GNB5: variants seen among roughly 807,000 people sequenced by gnomAD.
GNB5 encodes G protein subunit beta 5.
Under a neutral mutation model 55.3 loss-of-function variants are expected in GNB5, and 37 were observed. The ratio of observed to expected loss-of-function variants is 0.67; its 90% CI spans 0.51 to 0.88. The LOEUF (loss-of-function observed/expected upper bound fraction) is 0.88. GNB5 is among the 40% of genes least tolerant of loss of function. The pLI, the probability that GNB5 is intolerant of heterozygous loss-of-function variation, is 0.00. For missense variants in GNB5, 476 were observed against 515.3 expected (o/e 0.92, Z 0.74); for synonymous variants, 219 against 198.5 (o/e 1.10, Z -0.87).
chr15:52,168,669 C>A (rs1270044456), intron 3 of GNB5, among the ~76,000 whole-genome samples: 2 of 152,096 alleles, frequency 1.3e-5, no homozygotes, highest in Non-Finnish European at 2.9e-5. Flanking sequence ...CAAGATAATC[C>A]TCAGCAAAAG....
chr15:52,136,253 A>G (rs935517305), intron 7 of GNB5, among the ~76,000 whole-genome samples: 1 of 151,384 alleles, frequency 6.6e-6, no homozygotes, highest in African/African-American at 2.4e-5. Context: ...CTACCCTCAC[A>G]GTCCTTGAGT....
chr15:52,190,921 A>C (rs2034918018), intron 1 of GNB5, among the ~76,000 whole-genome samples: 1 of 152,182 alleles, frequency 6.6e-6, no homozygotes, highest in South Asian at 2.1e-4. Flanking sequence ...ATAAAAAATA[A>C]CTGATACACA....
chr15:52,170,605 A>C (rs768633172), intron 3 of GNB5, among the ~76,000 whole-genome samples: 1 of 152,080 alleles, frequency 6.6e-6, no homozygotes, highest in Non-Finnish European at 1.5e-5. Flanking sequence ...TGCTGGGCTT[A>C]ATACTTAGGT....
intron 3 of GNB5, among the ~76,000 whole-genome samples, chr15:52,157,464 T>C (rs888307943): frequency 6.6e-5 from 10 of 152,042 alleles, no homozygotes; most frequent in Non-Finnish European, 1.5e-4. Context: ...CAGGATGGTC[T>C]CGATCATCTG....
At chr15:52,154,797 C>G (rs1025688296) in intron 3 of GNB5, among the ~76,000 whole-genome samples, 1 of 152,224 alleles carries the variant, frequency 6.6e-6, no homozygotes, top group Non-Finnish European at 1.5e-5. Context: ...CTAGTGTCCA[C>G]AGAAATCAAT....
At chr15:52,126,927 G>A (rs1327605713) in intron 10 of GNB5, among the ~76,000 whole-genome samples, 1 of 152,194 alleles carries the variant, frequency 6.6e-6, no homozygotes, top group Non-Finnish European at 1.5e-5. Flanking sequence ...CTCCTGAGTA[G>A]CTGGGATTAC....
chr15:52,142,034 T>C (rs2033868554), intron 6 of GNB5, among the ~76,000 whole-genome samples: 1 of 152,230 alleles, frequency 6.6e-6, no homozygotes, highest in South Asian at 2.1e-4. Context: ...ATGTCGCATA[T>C]GGTGGATTTG....
rs201865275 is a variant in GNB5 at position 52,117,090 on chromosome 15, A to ATTTATATG, written c.*5666_*5667insCATATAAA. 2.8e-5 allele frequency: 3 copies of ATTTATATG among 106,760 alleles called. No individual in the cohort carries two copies. The East Asian group carries it at 8.5e-4, about 30-fold the overall frequency. 6.6% of individuals were successfully genotyped at this position (106,760 alleles called of 1,614,324 possible). Reference sequence around the variant, plus strand: ...AGGCACCTGCCACCACGCCCAGCTAATATATATATATATTTTTTTTTAGTA... The same window carrying ATTTATATG: ...AGGCACCTGCCACCACGCCCAGCTAATTTATATGTATATATATATATTTTTTTTTAGTA... On this transcript the variant is annotated 3_prime_UTR_variant, in exon 13 of 13. Coordinates refer to ENST00000261837, the MANE Select transcript of GNB5 (RefSeq NM_016194.4).
intron 2 of GNB5, among the ~76,000 whole-genome samples, chr15:52,181,570 C>T (rs143089755): frequency 0.049 from 7,418 of 151,864 alleles, 237 homozygotes; most frequent in African/African-American, 0.086. Flanking sequence ...GAGCCGAGAT[C>T]GTGCCACTGC....
At chr15:52,167,408 G>A (rs142787448) in intron 3 of GNB5, among the ~76,000 whole-genome samples, 3 of 152,282 alleles carry the variant, frequency 2.0e-5, no homozygotes, top group South Asian at 2.1e-4. Context: ...AGTGGCCCAC[G>A]TCTGTAATCC....
At chr15:52,126,429 A>G (rs1318150433) in intron 10 of GNB5, among the ~76,000 whole-genome samples, 1 of 152,202 alleles carries the variant, frequency 6.6e-6, no homozygotes, top group East Asian at 1.9e-4. Flanking sequence ...GTATTTACTA[A>G]TTCTCAGCTG....
chr15:52,159,615 G>T (rs1011881997), intron 3 of GNB5, among the ~76,000 whole-genome samples: 6 of 152,238 alleles, frequency 3.9e-5, no homozygotes, highest in Non-Finnish European at 7.3e-5. Context: ...TCAAGAGGAA[G>T]TGTAGGCCAG....
chr15:52,164,356 A>T (rs1310806106), intron 3 of GNB5, among the ~76,000 whole-genome samples: 1 of 142,796 alleles, frequency 7.0e-6, no homozygotes, highest in Non-Finnish European at 1.5e-5. Flanking sequence ...TGGTGGCTCA[A>T]GCCTGTAATC....
chr15:52,122,896 A>ACACG (rs2033309459), intron 12 of GNB5, 128 bp from the exon 13 acceptor site: 1 of 733,968 alleles, frequency 1.4e-6, no homozygotes, highest in East Asian at 2.5e-5. Context: ...GTGTACACAC[A>ACACG]CACACACACA....
At chr15:52,190,056 T>C (rs559410377) in intron 1 of GNB5, among the ~76,000 whole-genome samples, 4 of 152,208 alleles carry the variant, frequency 2.6e-5, no homozygotes, top group African/African-American at 9.6e-5. Context: ...CACTGAAATA[T>C]ATGTTTTAAA....
At chr15:52,190,025 C>T (rs1259379699) in intron 1 of GNB5, among the ~76,000 whole-genome samples, 1 of 151,918 alleles carries the variant, frequency 6.6e-6, no homozygotes, top group African/African-American at 2.4e-5. Context: ...GTTGCAAATC[C>T]TTGTAAATAA....
intron 7 of GNB5, chr15:52,137,410 G>A: frequency 1.9e-6 from 2 of 1,028,288 alleles, no homozygotes; most frequent in Non-Finnish European, 1.2e-6. Context: ...CTCCAGGGGG[G>A]CCTATGTCTG....
chr15:52,153,830 G>A (rs1330543222), intron 4 of GNB5, 110 bp downstream of exon 4: 2 of 890,502 alleles, frequency 2.2e-6, no homozygotes, highest in Non-Finnish European at 1.7e-6. Context: ...TTTGGAGAAT[G>A]AGCAAAGTCA....
At chr15:52,146,724 C>G (rs535333757) in intron 6 of GNB5, among the ~76,000 whole-genome samples, 88 of 148,448 alleles carry the variant, frequency 5.9e-4, no homozygotes, top group African/African-American at 2.1e-3. Context: ...ACCACCACAC[C>G]CAGCTAATTA....
Sources: gnomAD v4.1 joint callset for allele counts (sites outside exome capture counted in the v4.1 genomes callset) on GRCh38, gnomAD v4.1.1 for gene constraint, MANE v1.5 for transcripts, NCBI Gene and HGNC (gene_info 2026-07-23, HGNC 2026-07-21) for gene names.